TRMT11: variants seen among roughly 807,000 people sequenced by gnomAD.
The protein encoded by TRMT11 is tRNA methyltransferase 11.
In TRMT11, 53 loss-of-function variants were observed where a neutral mutation model predicts 62.8. The ratio of observed to expected loss-of-function variants is 0.84; its 90% CI spans 0.68 to 1.06. The LOEUF is 1.06. Ranked by LOEUF, TRMT11 falls within the 50% of genes least tolerant of loss-of-function variation. The probability of loss-of-function intolerance (pLI) is 0.00; values close to 1 mark genes in which losing one functional copy is unlikely to be tolerated. For missense variants in TRMT11, 556 were observed against 553.4 expected, an observed-to-expected ratio of 1.00 and a Z score of -0.05; for synonymous variants, 188 against 190.3, an observed-to-expected ratio of 0.99 and a Z score of 0.10.
At chr6:126,166,358 T>C (rs1318603370) in intron 21 of TRMT11, among the ~76,000 whole-genome samples, 2 of 152,208 alleles carry the variant, frequency 1.3e-5, no homozygotes, top group Non-Finnish European at 2.9e-5. Context: ...ATGCTATTCC[T>C]TTCTGTTTTT....
At chr6:126,101,089 G>A (rs1777394446) in intron 17 of TRMT11, among the ~76,000 whole-genome samples, 1 of 152,100 alleles carries the variant, frequency 6.6e-6, no homozygotes, top group South Asian at 2.1e-4. Context: ...AAATACAGAT[G>A]AAGCACACTG....
chr6:125,986,946 A>G, intron 1 of TRMT11: 1 of 337,876 alleles, frequency 3.0e-6, no homozygotes, highest in South Asian at 5.3e-5. Context: ...CAGCTAACAA[A>G]TGCTCAGGCT....
the TRMT11 span, among the ~76,000 whole-genome samples, chr6:126,210,087 A>G: frequency 2.0e-5 from 3 of 152,228 alleles, no homozygotes; most frequent in Non-Finnish European, 2.9e-5. Flanking sequence ...AGTAGCAAAG[A>G]TGGAAGGATT....
At chr6:126,062,016 A>T (rs1776548888) in intron 17 of TRMT11, among the ~76,000 whole-genome samples, 1 of 152,140 alleles carries the variant, frequency 6.6e-6, no homozygotes, top group Non-Finnish European at 1.5e-5. Context: ...AATAGCTGGG[A>T]CTACAGGTAC....
At chr6:126,094,213 G>A (rs1777315113) in intron 17 of TRMT11, among the ~76,000 whole-genome samples, 1 of 152,030 alleles carries the variant, frequency 6.6e-6, no homozygotes, top group Non-Finnish European at 1.5e-5. Context: ...ATTGAATTTT[G>A]TGTGCTTTCC....
chr6:126,111,540 A>C (rs1032481634), intron 17 of TRMT11, among the ~76,000 whole-genome samples: 1 of 152,156 alleles, frequency 6.6e-6, no homozygotes, highest in African/African-American at 2.4e-5. Context: ...TCCCAGCACC[A>C]GATCACCTCT....
At chr6:126,070,505 A>G (rs1415995630) in intron 17 of TRMT11, among the ~76,000 whole-genome samples, 1 of 152,224 alleles carries the variant, frequency 6.6e-6, no homozygotes, top group Non-Finnish European at 1.5e-5. Flanking sequence ...ACCTGAAATG[A>G]AGAAATAAAA....
At chr6:126,166,078 T>C (rs922710849) in intron 21 of TRMT11, among the ~76,000 whole-genome samples, 1 of 152,090 alleles carries the variant, frequency 6.6e-6, no homozygotes, top group African/African-American at 2.4e-5. Flanking sequence ...TCGATTTGGC[T>C]ATTCATACTT....
the TRMT11 span, among the ~76,000 whole-genome samples, chr6:126,217,321 G>A: frequency 6.6e-6 from 1 of 152,266 alleles, no homozygotes; most frequent in South Asian, 2.1e-4. Flanking sequence ...GCATTGAAGA[G>A]TCAGGTATTT....
At chr6:126,192,766 C>T (rs1273650224) in intron 1 of TRMT11, among the ~76,000 whole-genome samples, 2 of 152,122 alleles carry the variant, frequency 1.3e-5, no homozygotes, top group African/African-American at 2.4e-5. Flanking sequence ...TTATGTTGAA[C>T]CATGCTTGCA....
chr6:126,119,465 TC>T (rs1179786697), intron 21 of TRMT11, among the ~76,000 whole-genome samples: 1 of 133,636 alleles, frequency 7.5e-6, no homozygotes. Context: ...CACCATAAGA[TC>T]CTTTCTTCTT....
the TRMT11 span, among the ~76,000 whole-genome samples, chr6:126,210,337 G>T: frequency 6.6e-6 from 1 of 152,160 alleles, no homozygotes; most frequent in Non-Finnish European, 1.5e-5. Context: ...GGAGCTGAGG[G>T]TCTCAGTCCT....
chr6:126,103,849 T>C (rs1425370709), intron 17 of TRMT11, among the ~76,000 whole-genome samples: 2 of 152,102 alleles, frequency 1.3e-5, no homozygotes, highest in Non-Finnish European at 2.9e-5. Flanking sequence ...TGACTTCCTA[T>C]CTCCTTTGCT....
intron 1 of TRMT11, among the ~76,000 whole-genome samples, chr6:126,182,447 G>T (rs1269466526): frequency 6.6e-6 from 1 of 152,014 alleles, no homozygotes; most frequent in East Asian, 1.9e-4. Flanking sequence ...GGTATAGACT[G>T]CTTTACTGTG....
intron 17 of TRMT11, among the ~76,000 whole-genome samples, chr6:126,069,788 A>G (rs1269125545): frequency 6.6e-6 from 1 of 152,034 alleles, no homozygotes; most frequent in African/African-American, 2.4e-5. Context: ...TTGTTTTTCA[A>G]GACAGTAACT....
intron 16 of TRMT11, among the ~76,000 whole-genome samples, chr6:126,048,906 A>T (rs917002650): frequency 6.6e-6 from 1 of 152,120 alleles, no homozygotes; most frequent in African/African-American, 2.4e-5. Flanking sequence ...TTCCAGTGCA[A>T]TCATTTGACT....
At chr6:126,196,811 G>A (rs1222610529) in intron 1 of TRMT11, among the ~76,000 whole-genome samples, 2 of 151,970 alleles carry the variant, frequency 1.3e-5, no homozygotes, top group African/African-American at 2.4e-5. Flanking sequence ...GCATAAAACT[G>A]TAATGCCATT....
chr6:126,051,511 C>T (rs1198588818), intron 16 of TRMT11, among the ~76,000 whole-genome samples: 1 of 152,136 alleles, frequency 6.6e-6, no homozygotes, highest in African/African-American at 2.4e-5. Flanking sequence ...CTTGGTCAGG[C>T]CATCACTCTG....
chr6:126,130,275 G>T (rs368253440), intron 21 of TRMT11, among the ~76,000 whole-genome samples: 2 of 152,094 alleles, frequency 1.3e-5, no homozygotes, highest in Admixed American at 1.3e-4. Flanking sequence ...ACTGTTGCTC[G>T]ATGTGGTGCT....
Sources: gnomAD v4.1 joint callset for allele counts (sites outside exome capture counted in the v4.1 genomes callset) on GRCh38, gnomAD v4.1.1 for gene constraint, MANE v1.5 for transcripts, NCBI Gene and HGNC (gene_info 2026-07-23, HGNC 2026-07-21) for gene names.